Variants in ASIC2 observed in about 807,000 individuals in gnomAD.
The protein encoded by ASIC2 is acid sensing ion channel subunit 2, also known as acid-sensing ion channel 2.
Under a neutral mutation model 57.3 loss-of-function variants are expected in ASIC2, and 25 were observed. That is an observed-to-expected ratio of 0.44 (90% CI 0.32 to 0.61). ASIC2 has a LOEUF of 0.61. Ranked by LOEUF, ASIC2 falls within the 20% of genes least tolerant of loss-of-function variation. ASIC2 has a pLI of 0.06. For synonymous variants in ASIC2, 319 were observed against 307.5 expected (o/e 1.04, Z -0.39); for missense variants, 641 against 738.1 (o/e 0.87, Z 1.52).
chr17:33,857,246 C>T (rs914303713), intron 1 of ASIC2, among the ~76,000 whole-genome samples: 8 of 152,140 alleles, frequency 5.3e-5, no homozygotes, highest in Non-Finnish European at 1.0e-4. Flanking sequence ...GAACTCTAAA[C>T]CCCAAAGGTC....
chr17:34,068,471 T>C (rs1192881424), intron 1 of ASIC2, among the ~76,000 whole-genome samples: 1 of 152,196 alleles, frequency 6.6e-6, no homozygotes, highest in Non-Finnish European at 1.5e-5. Context: ...AGCAAAAGAA[T>C]TGGCTTCTAG....
chr17:33,304,073 A>G (rs370639781), intron 1 of ASIC2, among the ~76,000 whole-genome samples: 3 of 152,264 alleles, frequency 2.0e-5, no homozygotes, highest in East Asian at 1.9e-4. Context: ...AATTGAAAAC[A>G]AAACATTTCA....
intron 3 of ASIC2, among the ~76,000 whole-genome samples, chr17:33,054,478 A>G (rs1179309488): frequency 6.6e-6 from 1 of 152,086 alleles, no homozygotes; most frequent in Non-Finnish European, 1.5e-5. Context: ...GGATTCTATG[A>G]TTTTACCACT....
intron 1 of ASIC2, among the ~76,000 whole-genome samples, chr17:33,691,221 A>C (rs1908357631): frequency 6.6e-6 from 1 of 152,236 alleles, no homozygotes; most frequent in African/African-American, 2.4e-5. Flanking sequence ...ATCTGTGAGA[A>C]TATCAGTGTG....
intron 3 of ASIC2, among the ~76,000 whole-genome samples, chr17:33,088,546 C>T (rs547802956): frequency 1.3e-5 from 2 of 150,302 alleles, no homozygotes; most frequent in South Asian, 4.3e-4. Flanking sequence ...AGCAGTTTTC[C>T]TTAGCATCCC....
intron 1 of ASIC2, among the ~76,000 whole-genome samples, chr17:33,597,572 A>T (rs765857404): frequency 2.6e-4 from 40 of 152,204 alleles, no homozygotes; most frequent in Non-Finnish European, 4.4e-4. Flanking sequence ...GAGTTTACAA[A>T]ACAGAAAGTT....
At chr17:33,188,480 A>G (rs1906289066) in intron 1 of ASIC2, among the ~76,000 whole-genome samples, 1 of 152,186 alleles carries the variant, frequency 6.6e-6, no homozygotes, top group South Asian at 2.1e-4. Context: ...CTGCAAATAT[A>G]AAAAACATGT....
chr17:33,514,772 C>T (rs1169559863), intron 1 of ASIC2, among the ~76,000 whole-genome samples: 1 of 152,218 alleles, frequency 6.6e-6, no homozygotes, highest in Non-Finnish European at 1.5e-5. Context: ...TGTCTGTCCT[C>T]TACCTCATGG....
chr17:33,203,024 C>T (rs139892203), intron 1 of ASIC2, among the ~76,000 whole-genome samples: 20 of 152,318 alleles, frequency 1.3e-4, no homozygotes, highest in African/African-American at 4.1e-4. Context: ...TTTGATTCAG[C>T]GAGAAAGGTG....
chr17:33,143,341 C>G (rs1028323773), intron 1 of ASIC2, among the ~76,000 whole-genome samples: 8 of 152,166 alleles, frequency 5.3e-5, no homozygotes, highest in Admixed American at 1.3e-4. Flanking sequence ...TAGTATTAAT[C>G]TCATGATGAA....
At chr17:34,032,258 A>T (rs1907650046) in intron 1 of ASIC2, among the ~76,000 whole-genome samples, 1 of 152,208 alleles carries the variant, frequency 6.6e-6, no homozygotes, top group Non-Finnish European at 1.5e-5. Context: ...TATCCAGCCA[A>T]ACTAAGCTTC....
At chr17:33,491,974 A>C (rs1184760273) in intron 1 of ASIC2, among the ~76,000 whole-genome samples, 1 of 152,084 alleles carries the variant, frequency 6.6e-6, no homozygotes, top group Non-Finnish European at 1.5e-5. Context: ...TCTTTTTTGT[A>C]GCGGCTTTTT....
intron 1 of ASIC2, among the ~76,000 whole-genome samples, chr17:33,687,326 G>A (rs1426842803): frequency 6.6e-6 from 1 of 152,128 alleles, no homozygotes; most frequent in African/African-American, 2.4e-5. Flanking sequence ...GGTGGAAGTT[G>A]GGTTACCCCT....
intron 1 of ASIC2, chr17:34,051,593 C>T (rs1908556352): frequency 1.3e-5 from 2 of 152,142 alleles, no homozygotes; most frequent in Admixed American, 1.3e-4. Context: ...CATGGAGGTT[C>T]ATGCCTCCTT....
At chr17:33,323,191 A>G (rs1461836776) in intron 1 of ASIC2, among the ~76,000 whole-genome samples, 1 of 152,178 alleles carries the variant, frequency 6.6e-6, no homozygotes, top group African/African-American at 2.4e-5. Flanking sequence ...TATATATTCA[A>G]CGGAAGTGGA....
At chr17:33,900,398 A>G (rs1915206666) in intron 1 of ASIC2, among the ~76,000 whole-genome samples, 1 of 152,154 alleles carries the variant, frequency 6.6e-6, no homozygotes, top group Non-Finnish European at 1.5e-5. Flanking sequence ...CGTAATTGTA[A>G]GACTCTAGAT....
At chr17:33,547,057 AG>A (rs1394032479) in intron 1 of ASIC2, among the ~76,000 whole-genome samples, 7 of 152,200 alleles carry the variant, frequency 4.6e-5, no homozygotes, top group Non-Finnish European at 8.8e-5. Context: ...TTGTTAAAAA[AG>A]GTTGCCAGGC....
chr17:33,499,443 C>T (rs1246740688), intron 1 of ASIC2, among the ~76,000 whole-genome samples: 1 of 152,174 alleles, frequency 6.6e-6, no homozygotes, highest in Non-Finnish European at 1.5e-5. Context: ...CTCACAAACA[C>T]AGGGAGAAGG....
At chr17:33,547,145 C>T (rs1046832490) in intron 1 of ASIC2, among the ~76,000 whole-genome samples, 3 of 152,076 alleles carry the variant, frequency 2.0e-5, no homozygotes, top group Non-Finnish European at 2.9e-5. Context: ...TCCAGGGTGA[C>T]GCTGCTGCTG....
Sources: gnomAD v4.1 joint callset for allele counts (sites outside exome capture counted in the v4.1 genomes callset) on GRCh38, gnomAD v4.1.1 for gene constraint, MANE v1.5 for transcripts, NCBI Gene and HGNC (gene_info 2026-07-23, HGNC 2026-07-21) for gene names.